The following NAV3 variants were observed in gnomAD, a reference collection of about 807,000 sequenced individuals.
NAV3 encodes neuron navigator 3.
NAV3 carries 87 observed loss-of-function variants against 244.7 expected under a neutral mutation model. The observed-to-expected ratio is 0.36, with a 90% CI of 0.30 to 0.42. The LOEUF (loss-of-function observed/expected upper bound fraction) is 0.42. Among genes scored for constraint, NAV3 ranks in the 20% least tolerant of loss-of-function variants. The probability of loss-of-function intolerance (pLI) is 1.00; values close to 1 mark genes in which losing one functional copy is unlikely to be tolerated. For missense variants in NAV3, 2,663 were observed against 2,893.3 expected, an observed-to-expected ratio of 0.92 and a Z score of 1.83; for synonymous variants, 1,126 against 1,042.2, an observed-to-expected ratio of 1.08 and a Z score of -1.55.
At chr12:77,591,188 C>A (rs1331560766) in intron 2 of NAV3, among the ~76,000 whole-genome samples, 1 of 152,136 alleles carries the variant, frequency 6.6e-6, no homozygotes, top group Non-Finnish European at 1.5e-5. Flanking sequence ...TTAATAAATT[C>A]CCTCAATGAA....
chr12:77,980,352 A>G (rs945319886), intron 5 of NAV3, among the ~76,000 whole-genome samples: 1 of 152,186 alleles, frequency 6.6e-6, no homozygotes, highest in Non-Finnish European at 1.5e-5. Flanking sequence ...AGAGCAGCCC[A>G]ATTATAAGGA....
chr12:78,122,067 T>A lies in NAV3; in HGVS notation c.3877T>A (p.Ser1293Thr), dbSNP rs1378585790. Residue 1293 changes from serine to threonine, a missense_variant, in exon 16 of 40, where the codon TCC becomes ACC. Physicochemically the swap from Ser to Thr is moderately conservative, Grantham distance 58 (BLOSUM62 1). This residue lies in a region of NAV3 where 354 missense variants were observed against 413.0 expected (regional missense o/e 0.86). Coordinates refer to ENST00000397909, the MANE Select transcript of NAV3 (RefSeq NM_001024383.2). ...ARQGSLESPS[S>T]GTGSMGSAGG... is the part of the protein sequence containing the mutation. ...GCAAGGCAGTCTGGAGTCACCGTCG[T>A]CCGGTACGGGCAGCATGGGCAGTGC... 1 of 1,614,188 alleles carries A rather than the reference T, an allele frequency of 6.2e-7. No individual in the cohort carries two copies. The highest frequency in any genetic ancestry group is 8.5e-7 in the Non-Finnish European group (1 of 1,180,030).
chr12:77,913,312 G>T (rs1259812825), intron 1 of NAV3, among the ~76,000 whole-genome samples: 1 of 151,840 alleles, frequency 6.6e-6, no homozygotes, highest in Non-Finnish European at 1.5e-5. Context: ...TTCTTATTAT[G>T]AATATATTAA....
At chr12:77,849,005 T>G (rs1033316015) in intron 1 of NAV3, among the ~76,000 whole-genome samples, 4 of 152,200 alleles carry the variant, frequency 2.6e-5, no homozygotes, top group Non-Finnish European at 5.9e-5. Flanking sequence ...TACTGCATAA[T>G]AGTGATGTTT....
At chr12:77,969,914 A>G (rs999192606) in intron 5 of NAV3, among the ~76,000 whole-genome samples, 3 of 152,220 alleles carry the variant, frequency 2.0e-5, no homozygotes, top group African/African-American at 4.8e-5. Flanking sequence ...AACTTTACTG[A>G]AAGTCAATTG....
intron 2 of NAV3, among the ~76,000 whole-genome samples, chr12:77,593,043 G>T (rs1464595328): frequency 6.6e-6 from 1 of 152,052 alleles, no homozygotes; most frequent in Non-Finnish European, 1.5e-5. Context: ...TAAAGGGCTT[G>T]GTGCTGTGCC....
At chr12:77,834,732 T>A (rs1427276555) in intron 1 of NAV3, among the ~76,000 whole-genome samples, 1 of 152,232 alleles carries the variant, frequency 6.6e-6, no homozygotes, top group African/African-American at 2.4e-5. Flanking sequence ...GCCTCTGTGG[T>A]AAGCAAAGTT....
chr12:77,693,797 C>T (rs1014809907), intron 2 of NAV3, among the ~76,000 whole-genome samples: 6 of 152,040 alleles, frequency 3.9e-5, no homozygotes, highest in South Asian at 4.1e-4. Context: ...CTCAAGTCAT[C>T]GTGCTGCATA....
At chr12:78,073,022 T>C (rs1322294794) in intron 12 of NAV3, among the ~76,000 whole-genome samples, 2 of 140,798 alleles carry the variant, frequency 1.4e-5, no homozygotes, top group Non-Finnish European at 3.2e-5. Context: ...AATTAGGTAT[T>C]GATGGGACGT....
At chr12:77,880,749 A>G (rs1016100082) in intron 1 of NAV3, among the ~76,000 whole-genome samples, 1 of 152,154 alleles carries the variant, frequency 6.6e-6, no homozygotes, top group Non-Finnish European at 1.5e-5. Context: ...ACAATTGCCT[A>G]TGCTATTTAG....
intron 2 of NAV3, among the ~76,000 whole-genome samples, chr12:77,592,005 T>A (rs77349708): frequency 0.053 from 8,072 of 152,276 alleles, 438 homozygotes; most frequent in African/African-American, 0.14. Context: ...GCTTCATTGT[T>A]GTTAGAAACT....
At chr12:78,072,311 A>G (rs1489710671) in intron 12 of NAV3, among the ~76,000 whole-genome samples, 5 of 143,082 alleles carry the variant, frequency 3.5e-5, no homozygotes, top group Non-Finnish European at 7.6e-5. Flanking sequence ...AGAAAAAAAG[A>G]GAGAAGAATC....
intron 2 of NAV3, among the ~76,000 whole-genome samples, chr12:77,597,220 G>A (rs927296425): frequency 3.3e-5 from 5 of 152,004 alleles, no homozygotes; most frequent in African/African-American, 4.8e-5. Flanking sequence ...TCTCTTTGTT[G>A]CTATAAGCGT....
chr12:78,036,937 A>C, intron 9 of NAV3: 3 of 703,014 alleles, frequency 4.3e-6, no homozygotes. Flanking sequence ...CTTCAGAAAC[A>C]AAAGTCTCTG....
intron 10 of NAV3, 110 bp from the exon 11 acceptor site, chr12:78,050,654 A>G (rs1424191865): frequency 9.1e-7 from 1 of 1,101,244 alleles, no homozygotes; most frequent in Non-Finnish European, 1.3e-6. Flanking sequence ...CGGGAAGATG[A>G]CGTGTTTATA....
At chr12:77,933,802 A>G (rs1889062330) in intron 1 of NAV3, among the ~76,000 whole-genome samples, 1 of 152,200 alleles carries the variant, frequency 6.6e-6, no homozygotes, top group African/African-American at 2.4e-5. Flanking sequence ...TGTAACAACA[A>G]CTGCAGATCC....
chr12:77,899,550 C>T lies in NAV3; in HGVS notation c.244-40769C>T, dbSNP rs182976126. On this transcript the variant is annotated intron_variant, in intron 1 of 39. Transcript: ENST00000397909. ...AAGGTATGCACATTACATTTTTAGACGTAATACTCATGCACACTTAATAGA... is the reference window on the plus strand; with the variant it reads ...AAGGTATGCACATTACATTTTTAGATGTAATACTCATGCACACTTAATAGA... 2.1e-3 allele frequency among the ~76,000 whole-genome samples: 318 copies of T among 152,256 alleles called. 3 individuals carry two copies. The highest frequency in any genetic ancestry group is 0.01 in the Middle Eastern group (3 of 294).
At chr12:78,200,635 A>G (rs2140034578) in intron 38 of NAV3, 44 bp downstream of exon 38, 1 of 1,246,074 alleles carries the variant, frequency 8.0e-7, no homozygotes, top group Non-Finnish European at 1.1e-6. Context: ...TAAAAAAAAA[A>G]AGCAAAAAAA....
At chr12:78,102,643 G>A (rs924926727) in intron 12 of NAV3, among the ~76,000 whole-genome samples, 1 of 152,188 alleles carries the variant, frequency 6.6e-6, no homozygotes, top group African/African-American at 2.4e-5. Context: ...CATGAGGGCC[G>A]TGCCCCTGCA....
Sources: allele counts gnomAD v4.1 joint callset (sites outside exome capture counted in the v4.1 genomes callset), GRCh38; gene constraint gnomAD v4.1.1; regional missense constraint gnomAD v4.1.1; transcripts MANE v1.5; gene names NCBI Gene and HGNC (gene_info 2026-07-23, HGNC 2026-07-21).